The following ANKS1A variants were observed in gnomAD, a reference collection of about 807,000 sequenced individuals.
ANKS1A encodes ankyrin repeat and SAM domain-containing protein 1A.
In ANKS1A, 55 loss-of-function variants were observed where a neutral mutation model predicts 120.3. That is an observed-to-expected ratio of 0.46 (90% CI 0.37 to 0.57). ANKS1A has a LOEUF of 0.57. Ranked by LOEUF, ANKS1A falls within the 20% of genes least tolerant of loss-of-function variation. The pLI, the probability that ANKS1A is intolerant of heterozygous loss-of-function variation, is 0.00. For synonymous variants in ANKS1A, 590 were observed against 604.7 expected (o/e 0.98, Z 0.36); for missense variants, 1,123 against 1,480.3 (o/e 0.76, Z 3.96).
At chr6:34,966,401 G>T (rs138408844) in intron 1 of ANKS1A, among the ~76,000 whole-genome samples, 1 of 152,196 alleles carries the variant, frequency 6.6e-6, no homozygotes, top group East Asian at 1.9e-4. Context: ...AAAAAAAATA[G>T]GATACTTCCT....
chr6:35,021,256 C>G (rs944943865), intron 11 of ANKS1A, among the ~76,000 whole-genome samples: 2 of 152,148 alleles, frequency 1.3e-5, no homozygotes, highest in Admixed American at 1.3e-4. Context: ...CTTGGACCCC[C>G]GGGAGGTGGG....
In ANKS1A at chr6:35,057,573, T is replaced by C. The variant is rs567787746; in HGVS notation, c.2078-2574T>C. On this transcript the variant is annotated intron_variant, in intron 12 of 23. Transcript: ENST00000360359. The surrounding 1 kb of genome is among the most constrained non-coding windows in gnomAD (Gnocchi z 4.1). Reference sequence around the variant, plus strand: ...GACTTCTGTCCCTGTACCTGTTTTATCTTTTTGGCCTGTCTCCATCTGTAC... The same window carrying C: ...GACTTCTGTCCCTGTACCTGTTTTACCTTTTTGGCCTGTCTCCATCTGTAC... Among the ~76,000 whole-genome samples, 1 of 152,300 alleles carries C rather than the reference T, an allele frequency of 6.6e-6. No individual in the cohort carries two copies. The highest frequency in any genetic ancestry group is 1.5e-5 in the Non-Finnish European group (1 of 68,018).
chr6:34,985,424 G>T (rs946186928), intron 8 of ANKS1A, 146 bp downstream of exon 8: 2 of 721,526 alleles, frequency 2.8e-6, no homozygotes, highest in Non-Finnish European at 4.5e-6. Context: ...TCTTCATGGG[G>T]CTCTGCTGGG....
chr6:34,969,908 T>G, intron 2 of ANKS1A, 102 bp from the exon 3 acceptor site: 2,703 of 1,349,848 alleles, frequency 2.0e-3, no homozygotes, highest in Non-Finnish European at 2.5e-3. Flanking sequence ...AGGAGCCAAA[T>G]GAGATATCTG....
At chr6:35,056,990 G>A (rs1776256102) in intron 12 of ANKS1A, among the ~76,000 whole-genome samples, 1 of 152,014 alleles carries the variant, frequency 6.6e-6, no homozygotes, top group Non-Finnish European at 1.5e-5. Context: ...GATTGTCCTT[G>A]GGTTGGGCGT....
intron 1 of ANKS1A, among the ~76,000 whole-genome samples, chr6:34,954,498 A>C (rs1311505926): frequency 1.3e-5 from 2 of 152,224 alleles, no homozygotes; most frequent in Non-Finnish European, 2.9e-5. Context: ...GCAGGATAGA[A>C]GAAGGAACTC....
chr6:34,890,280 C>CGG (rs1766744199), intron 1 of ANKS1A, among the ~76,000 whole-genome samples: 1 of 152,118 alleles, frequency 6.6e-6, no homozygotes, highest in Non-Finnish European at 1.5e-5. Flanking sequence ...TTAGTAGAGA[C>CGG]GGGGTTTCAC....
chr6:35,032,634 T>C (rs1300684078), intron 11 of ANKS1A, among the ~76,000 whole-genome samples: 1 of 152,210 alleles, frequency 6.6e-6, no homozygotes, highest in Non-Finnish European at 1.5e-5. Context: ...GCTAAAGACT[T>C]GCTGCGCTTG....
chr6:34,902,609 A>G (rs1767410843), intron 1 of ANKS1A, among the ~76,000 whole-genome samples: 1 of 151,986 alleles, frequency 6.6e-6, no homozygotes, highest in Admixed American at 6.6e-5. Flanking sequence ...TTTACTAGAT[A>G]TGTTTTGTCG....
rs1016685919 is a variant in ANKS1A, at chr6:35,017,750, C to G, written c.1701C>G (p.Gly567=). The change falls in exon 11 of 24, where the codon GGC becomes GGG. Residue 567 remains glycine, a synonymous_variant. Transcript: ENST00000360359. ...PSALDQSKRV[G]YLTGLPTTNS... is the part of the protein sequence containing the mutation. Reference sequence around the variant, plus strand: ...CCCTGGACCAGAGCAAGAGAGTGGGCTACCTCACAGGCCTGCCCACCACCA... The same window carrying G: ...CCCTGGACCAGAGCAAGAGAGTGGGGTACCTCACAGGCCTGCCCACCACCA... The G allele has an allele frequency of 6.2e-7, 1 of 1,614,098 alleles. No individual in the cohort carries two copies. Among genetic ancestry groups the G allele is most frequent in the Admixed American group, 1.7e-5 (1 of 60,030 alleles).
intron 1 of ANKS1A, among the ~76,000 whole-genome samples, chr6:34,891,687 G>A (rs1766830124): frequency 1.3e-5 from 2 of 152,048 alleles, no homozygotes; most frequent in Non-Finnish European, 2.9e-5. Context: ...GAGTGCAGTG[G>A]CAGTATCTCA....
intron 1 of ANKS1A, among the ~76,000 whole-genome samples, chr6:34,890,836 T>C (rs1487012372): frequency 6.6e-6 from 1 of 152,228 alleles, no homozygotes; most frequent in Non-Finnish European, 1.5e-5. Context: ...TGTTCCCCAT[T>C]ACTTTATGTA....
intron 1 of ANKS1A, among the ~76,000 whole-genome samples, chr6:34,891,718 TC>T (rs1436506964): frequency 1.3e-5 from 2 of 152,108 alleles, no homozygotes; most frequent in Non-Finnish European, 2.9e-5. Flanking sequence ...ACCTTCGCCT[TC>T]CTGGGTTCAA....
intron 9 of ANKS1A, 89 bp downstream of exon 9, chr6:34,989,405 C>T (rs1772392955): frequency 8.8e-7 from 1 of 1,137,544 alleles, no homozygotes; most frequent in Non-Finnish European, 1.3e-6. Context: ...TTTGCTTTCT[C>T]ATCTTCTCAT....
chr6:34,964,088 C>T (rs192378652), intron 1 of ANKS1A, among the ~76,000 whole-genome samples: 89 of 152,172 alleles, frequency 5.8e-4, no homozygotes, highest in African/African-American at 2.0e-3. Context: ...ACTGTGCTGG[C>T]GGTTTCCTTT....
At chr6:34,922,116 A>G (rs1430250956) in intron 1 of ANKS1A, among the ~76,000 whole-genome samples, 1 of 150,482 alleles carries the variant, frequency 6.6e-6, no homozygotes, top group Non-Finnish European at 1.5e-5. Context: ...GGCTGGGATG[A>G]CATATGTTTT....
At chr6:35,096,332 T>G (rs1423306435), downstream of ANKS1A, among the ~76,000 whole-genome samples, 2 of 152,252 alleles carry the variant, frequency 1.3e-5, no homozygotes, top group Non-Finnish European at 1.5e-5. Context: ...TTCTGGAAAG[T>G]CCTTTCTGGG....
At chr6:34,963,316 G>A (rs1049226683) in intron 1 of ANKS1A, among the ~76,000 whole-genome samples, 5 of 152,066 alleles carry the variant, frequency 3.3e-5, no homozygotes, top group African/African-American at 1.2e-4. Context: ...ACCATTCTAT[G>A]CTCTGCTTCT....
intron 10 of ANKS1A, among the ~76,000 whole-genome samples, chr6:35,013,620 G>A (rs1370479847): frequency 6.6e-6 from 1 of 152,196 alleles, no homozygotes; most frequent in Non-Finnish European, 1.5e-5. Flanking sequence ...CCACCTGGGT[G>A]CCTCCTGAGG....
Sources: allele counts gnomAD v4.1 joint callset (sites outside exome capture counted in the v4.1 genomes callset), GRCh38; gene constraint gnomAD v4.1.1; non-coding constraint Gnocchi (gnomAD v3.1); transcripts MANE v1.5; gene names NCBI Gene and HGNC (gene_info 2026-07-23, HGNC 2026-07-21).